The following FBXL17 variants were observed in gnomAD, a reference collection of about 807,000 sequenced individuals.
The protein encoded by FBXL17 is F-box and leucine rich repeat protein 17, also known as F-box/LRR-repeat protein 17.
Under a neutral mutation model 66.2 loss-of-function variants are expected in FBXL17, and 22 were observed. That is an observed-to-expected ratio of 0.33 (90% CI 0.24 to 0.47). The LOEUF (loss-of-function observed/expected upper bound fraction) is 0.47. Among genes scored for constraint, FBXL17 ranks in the 20% least tolerant of loss-of-function variants. The pLI is 1.00. For missense variants in FBXL17, 878 were observed against 948.2 expected, an observed-to-expected ratio of 0.93 and a Z score of 0.97; for synonymous variants, 474 against 400.5, an observed-to-expected ratio of 1.18 and a Z score of -2.19.
intron 7 of FBXL17, among the ~76,000 whole-genome samples, chr5:107,956,307 A>G (rs1236163939): frequency 2.0e-5 from 3 of 152,196 alleles, no homozygotes; most frequent in African/African-American, 7.2e-5. Context: ...GGGTATGTTA[A>G]GGAACCTGCA....
chr5:108,116,630 G>T (rs993559993), intron 6 of FBXL17, among the ~76,000 whole-genome samples: 1 of 151,748 alleles, frequency 6.6e-6, no homozygotes, highest in Admixed American at 6.6e-5. Context: ...CCTGGCGACA[G>T]AACAAGACTC....
At chr5:107,910,136 T>C (rs527961084) in intron 7 of FBXL17, among the ~76,000 whole-genome samples, 25 of 149,750 alleles carry the variant, frequency 1.7e-4, no homozygotes, top group African/African-American at 5.9e-4. Context: ...AGGGAGGTTA[T>C]CTGGGGTGGG....
At chr5:108,213,168 G>C (rs1432568779) in intron 5 of FBXL17, among the ~76,000 whole-genome samples, 1 of 152,090 alleles carries the variant, frequency 6.6e-6, no homozygotes, top group African/African-American at 2.4e-5. Flanking sequence ...TTGAGCCACA[G>C]CAGGCTGCTG....
intron 8 of FBXL17, among the ~76,000 whole-genome samples, chr5:107,876,812 A>G (rs974998218): frequency 2.0e-4 from 30 of 152,242 alleles, no homozygotes; most frequent in Admixed American, 1.1e-3. Context: ...GAGAATCTAG[A>G]ATTCACTGAA....
chr5:108,154,616 T>TACACACACACACACACAC (rs768615062), intron 6 of FBXL17, among the ~76,000 whole-genome samples: 1 of 96,298 alleles, frequency 1.0e-5, no homozygotes, highest in African/African-American at 4.8e-5. Flanking sequence ...AATATATATA[T>TACACACACACACACACAC]ACACACACAC....
intron 4 of FBXL17, among the ~76,000 whole-genome samples, chr5:108,285,349 G>C (rs890018620): frequency 2.0e-5 from 3 of 151,910 alleles, no homozygotes; most frequent in African/African-American, 7.2e-5. Context: ...ATGGCATCTA[G>C]AATGGTGAAT....
At chr5:107,895,073 T>C (rs1580691258) in intron 7 of FBXL17, among the ~76,000 whole-genome samples, 2 of 152,156 alleles carry the variant, frequency 1.3e-5, no homozygotes, top group South Asian at 4.1e-4. Context: ...TTAATGTTTC[T>C]GTCTTTTGTA....
chr5:107,983,359 T>C (rs1472160217), intron 7 of FBXL17, among the ~76,000 whole-genome samples: 1 of 148,278 alleles, frequency 6.7e-6, no homozygotes, highest in Non-Finnish European at 1.5e-5. Flanking sequence ...GCCCAGCTAA[T>C]TTTTTTTTTT....
chr5:108,052,794 C>T (rs777606800), intron 6 of FBXL17, among the ~76,000 whole-genome samples: 47 of 152,264 alleles, frequency 3.1e-4, no homozygotes, highest in Non-Finnish European at 6.0e-4. Context: ...TGAATTCAAA[C>T]TAAACTACAA....
At chr5:108,127,969 G>A (rs2149972993) in intron 6 of FBXL17, among the ~76,000 whole-genome samples, 1 of 152,076 alleles carries the variant, frequency 6.6e-6, no homozygotes, top group East Asian at 1.9e-4. Flanking sequence ...TCTCTCACTG[G>A]GTGCAGTGCC....
intron 7 of FBXL17, among the ~76,000 whole-genome samples, chr5:107,977,246 C>A (rs1003376819): frequency 6.6e-6 from 1 of 152,048 alleles, no homozygotes; most frequent in African/African-American, 2.4e-5. Flanking sequence ...TTGTGGTTAT[C>A]TCTGAGTTAT....
At chr5:108,064,509 A>G (rs1580392706) in intron 6 of FBXL17, among the ~76,000 whole-genome samples, 1 of 152,284 alleles carries the variant, frequency 6.6e-6, no homozygotes, top group East Asian at 1.9e-4. Context: ...GAGCCTCTCA[A>G]TGGCAGCACT....
At chr5:107,968,557 T>C (rs967350108) in intron 7 of FBXL17, among the ~76,000 whole-genome samples, 1 of 152,078 alleles carries the variant, frequency 6.6e-6, no homozygotes, top group African/African-American at 2.4e-5. Flanking sequence ...CCCATGAAAA[T>C]GTAGTTGAAA....
chr5:108,247,376 T>C (rs533671055), intron 4 of FBXL17, among the ~76,000 whole-genome samples: 1 of 152,068 alleles, frequency 6.6e-6, no homozygotes, highest in Non-Finnish European at 1.5e-5. Context: ...GTACAAAGTA[T>C]ATGAGAGAAT....
intron 4 of FBXL17, among the ~76,000 whole-genome samples, chr5:108,280,035 A>C (rs988943229): frequency 5.3e-5 from 8 of 152,278 alleles, no homozygotes; most frequent in Admixed American, 3.3e-4. Context: ...GAGATCAAAA[A>C]GTTTAGAAAA....
In FBXL17 at chr5:108,347,277, T is replaced by C. The variant is rs74823913; in HGVS notation, c.1506+1122A>G. 5.0e-3 allele frequency among the ~76,000 whole-genome samples: 762 copies of C among 152,222 alleles called. 4 individuals are homozygous for C. Among genetic ancestry groups the C allele is most frequent in the African/African-American group, 0.018 (738 of 41,546 alleles). The stretch of plus-strand genomic sequence containing the variant: ...ACTGTAATACAATGGTATTTCTGTA[T>C]CTAAACATAGAAAAGGCAAAAATAC... On this transcript the variant is annotated intron_variant, in intron 4 of 8. Coordinates refer to ENST00000542267, the MANE Select transcript of FBXL17 (RefSeq NM_001163315.3).
chr5:108,053,724 C>A (rs1028340883), intron 6 of FBXL17, among the ~76,000 whole-genome samples: 2 of 152,138 alleles, frequency 1.3e-5, no homozygotes, highest in African/African-American at 4.8e-5. Context: ...GGATCTAGAA[C>A]CAGAAATACC....
At chr5:107,926,650 C>G (rs770342867) in intron 7 of FBXL17, among the ~76,000 whole-genome samples, 4 of 151,048 alleles carry the variant, frequency 2.6e-5, no homozygotes, top group Middle Eastern at 3.4e-3. Context: ...AATTAGCTAG[C>G]CTATGATAGG....
At chr5:108,010,508 T>C (rs542663969) in intron 7 of FBXL17, among the ~76,000 whole-genome samples, 1 of 152,300 alleles carries the variant, frequency 6.6e-6, no homozygotes, top group South Asian at 2.1e-4. Context: ...GGACCTGTGA[T>C]GACGAATATA....
Sources: gnomAD v4.1 joint callset for allele counts (sites outside exome capture counted in the v4.1 genomes callset) on GRCh38, gnomAD v4.1.1 for gene constraint, MANE v1.5 for transcripts, NCBI Gene and HGNC (gene_info 2026-07-23, HGNC 2026-07-21) for gene names.